Variants in CD248 observed in about 807,000 individuals in gnomAD.
The protein encoded by CD248 is endosialin.
Under a neutral mutation model 8.0 loss-of-function variants are expected in CD248, and 7 were observed. The observed-to-expected ratio is 0.88, with a 90% CI of 0.50 to 1.64. The LOEUF is 1.64. CD248 is among the 40% of genes most tolerant of loss of function. CD248 has a pLI of 0.00. For synonymous variants in CD248, 418 were observed against 437.1 expected (o/e 0.96, Z 0.54); for missense variants, 912 against 1,027.2 (o/e 0.89, Z 1.53).
Position 66,315,988 on chromosome 11 carries a change from C to T in CD248, c.1040G>A (p.Gly347Asp). Residue 347 changes from glycine to aspartate, a missense_variant, in exon 1 of 1, where the codon GGC (glycine) becomes GAC (aspartate). Around this residue, in one of 3 missense-constraint regions of CD248, gnomAD observed 507 missense variants for 562.2 expected, o/e 0.90. Coordinates refer to ENST00000311330, the MANE Select transcript of CD248 (RefSeq NM_020404.3). The surrounding 1 kb of genome is among the most constrained non-coding windows in gnomAD (Gnocchi z 4.3). ...CSEGHELEAD[G>D]ISCSPAGAMG... ...GGCCCCTGCAGGGCTGCAGCTGATG[C>T]CATCAGCCTCCAGCTCATGTCCCTC... The T allele has an allele frequency of 6.2e-7, 1 of 1,613,466 alleles. No homozygotes were observed. The highest frequency in any genetic ancestry group is 8.5e-7 in the Non-Finnish European group (1 of 1,180,018).
At position 66,315,457 on chromosome 11, in the gene CD248, A is replaced by G. The variant is rs758882997; in HGVS notation, c.1571T>C (p.Leu524Pro). ...CATGGGGGACTGGTGGGCAGGGAAG[A>G]GCTCCGGATATTTGGTTGAGATCAT... is the stretch of plus-strand genomic sequence containing the variant. ...PPMISTKYPELFPAHQSPMFP... is the reference protein window; with the variant it reads ...PPMISTKYPEPFPAHQSPMFP... Residue 524 changes from leucine (L) to proline (P), a missense_variant, in exon 1 of 1, where the codon CTC becomes CCC. This residue lies in a region of CD248 where 507 missense variants were observed against 562.2 expected (regional missense o/e 0.90). Transcript: ENST00000311330. The surrounding 1 kb of genome is among the most constrained non-coding windows in gnomAD (Gnocchi z 4.3). 1.9e-5 allele frequency: 31 copies of G among 1,613,052 alleles called. No individual in the cohort carries two copies. Among genetic ancestry groups the G allele is most frequent in the Non-Finnish European group, 2.5e-5 (30 of 1,179,756 alleles).
In CD248 at chr11:66,315,398, T is replaced by C. The variant is rs1458028738; in HGVS notation, c.1630A>G (p.Thr544Ala). The change falls in exon 1 of 1, where the codon ACC becomes GCC. Residue 544 changes from threonine (T) to alanine (A), a missense_variant. By Grantham distance (58) the Thr-to-Ala change is moderately conservative (BLOSUM62 0). This residue lies in a region of CD248 where 507 missense variants were observed against 562.2 expected (regional missense o/e 0.90). Coordinates refer to ENST00000311330, the MANE Select transcript of CD248 (RefSeq NM_020404.3). The surrounding 1 kb of genome is among the most constrained non-coding windows in gnomAD (Gnocchi z 4.3). ...PDTRVAGTQTTTHLPGIPPNH... is the reference protein window; with the variant it reads ...PDTRVAGTQTATHLPGIPPNH... Reference sequence around the variant, plus strand: ...GGTGGGATTCCAGGCAAATGAGTGGTGGTCTGGGTGCCAGCGACCCGGGTG... The same window carrying C: ...GGTGGGATTCCAGGCAAATGAGTGGCGGTCTGGGTGCCAGCGACCCGGGTG... 1.2e-6 allele frequency: 2 copies of C among 1,610,826 alleles called. No individual in the cohort carries two copies. The highest frequency in any genetic ancestry group is 1.3e-5 in the African/African-American group (1 of 74,546).
chr11:66,316,734 GCGCTGCAGCTGGCATTGCCGGGCCTGC>G lies in CD248; in HGVS notation c.267_293del (p.Gln90_Arg98del). The G allele has an allele frequency of 6.2e-7, 1 of 1,603,844 alleles. No individual in the cohort carries two copies. The highest frequency in any genetic ancestry group is 8.5e-7 in the Non-Finnish European group (1 of 1,179,420). On this transcript the variant is annotated inframe_deletion, in exon 1 of 1. Coordinates refer to ENST00000311330, the MANE Select transcript of CD248 (RefSeq NM_020404.3). Reference sequence around the variant, plus strand: ...TGGTCCACGTGAAGCCGCGCAGTGGGCGCTGCAGCTGGCATTGCCGGGCCTGCCGCTGCAGCCCGATCCACAGCAGCC... The same window carrying G: ...TGGTCCACGTGAAGCCGCGCAGTGGGCGCTGCAGCCCGATCCACAGCAGCC...
In CD248 at chr11:66,314,760, G is replaced by A. The variant is rs756073730; in HGVS notation, c.2268C>T (p.Ser756=). Residue 756 remains serine, a synonymous_variant, in exon 1 of 1, where the codon AGC becomes AGT. Transcript: ENST00000311330. This position sits in a 1 kb window ranked among gnomAD's most constrained non-coding sequence, Gnocchi z 4.0. Reference sequence around the variant, plus strand: ...GAGGGGGGTCTGCACCCCATCACACGCTGGTTCTGCAGGTCTGCACCCCTG... The same window carrying A: ...GAGGGGGGTCTGCACCCCATCACACACTGGTTCTGCAGGTCTGCACCCCTG... ...SLTGVQTCRT[S]V 1.3e-5 allele frequency: 20 copies of A among 1,549,280 alleles called. No individual in the cohort carries two copies. Among genetic ancestry groups the A allele is most frequent in the East Asian group, 2.4e-5 (1 of 40,990 alleles).
Position 66,315,821 on chromosome 11 carries a change from G to T in CD248, c.1207C>A (p.Pro403Thr). 1 of 1,613,958 alleles carries T rather than the reference G, an allele frequency of 6.2e-7. No individual in the cohort carries two copies. The highest frequency in any genetic ancestry group is 8.5e-7 in the Non-Finnish European group (1 of 1,179,976). The change falls in exon 1 of 1, where the codon CCG becomes ACG. Residue 403 changes from proline to threonine, a missense_variant. By Grantham distance (38) the Pro-to-Thr change is conservative. Around this residue, in one of 3 missense-constraint regions of CD248, gnomAD observed 507 missense variants for 562.2 expected, o/e 0.90. Coordinates refer to ENST00000311330, the MANE Select transcript of CD248 (RefSeq NM_020404.3). The surrounding 1 kb of genome is among the most constrained non-coding windows in gnomAD (Gnocchi z 4.3). ...PGILWMEPTQ[P>T]PDFALAYRPS... is the part of the protein sequence containing the mutation. ...CTATAGGCCAGGGCAAAGTCAGGCG[G>T]CTGCGTAGGCTCCATCCACAGGATC...
At position 66,314,933 on chromosome 11, in the gene CD248, A is replaced by G. The variant is rs1178517761; in HGVS notation, c.2095T>C (p.Leu699=). Residue 699 remains leucine (L), a synonymous_variant, in exon 1 of 1, where the codon TTG becomes CTG. Transcript: ENST00000311330. The surrounding 1 kb of genome is among the most constrained non-coding windows in gnomAD (Gnocchi z 4.0). ...VALLVPTCVF[L]VVLLALGIVY... ...ATGCCCAGTGCAAGCAGGACCACCA[A>G]AAAGACACACGTTGGCACCAGGAGT... 8.7e-6 allele frequency: 14 copies of G among 1,613,350 alleles called. No homozygotes were observed. The highest frequency in any genetic ancestry group is 1.1e-5 in the Non-Finnish European group (13 of 1,179,952).
chr11:66,317,017 C>G lies in CD248; in HGVS notation c.11G>C (p.Arg4Pro). 1 of 1,462,036 alleles carries G rather than the reference C, an allele frequency of 6.8e-7. No individual in the cohort carries two copies. The highest frequency in any genetic ancestry group is 8.9e-7 in the Non-Finnish European group (1 of 1,118,380). The allele number at this position is 1,462,036 out of a possible 1,614,324, so 90.6% of individuals were successfully genotyped here. MLL[R>P]LLLAWAAAGP... is the part of the protein sequence containing the mutation. Reference sequence around the variant, plus strand: ...TGCGGCCGCCCAGGCCAGCAACAGGCGCAGCAGCATCGCGATGCCCCCGGA... The same window carrying G: ...TGCGGCCGCCCAGGCCAGCAACAGGGGCAGCAGCATCGCGATGCCCCCGGA... The change falls in exon 1 of 1, where the codon CGC (arginine) becomes CCC (proline). Residue 4 changes from arginine to proline, a missense_variant. Coordinates refer to ENST00000311330, the MANE Select transcript of CD248 (RefSeq NM_020404.3).
rs1335778327 is a variant in CD248 at position 66,316,853 on chromosome 11, C to T, written c.175G>A (p.Ala59Thr). The T allele has an allele frequency of 6.4e-7, 1 of 1,550,720 alleles. No homozygotes were observed. The highest frequency in any genetic ancestry group is 1.2e-5 in the South Asian group (1 of 86,258). ...GCCTCCTCGGGGGTCCGAGGAGTGG[C>T]CAGGTCGCCCCCCAGCTCGCGGCAG... ...RACRELGGDL[A>T]TPRTPEEAQR... The change falls in exon 1 of 1, where the codon GCC (alanine) becomes ACC (threonine). Residue 59 changes from alanine to threonine, a missense_variant. Physicochemically the swap from Ala to Thr is moderately conservative, Grantham distance 58. This residue lies in a region of CD248 where 403 missense variants were observed against 446.2 expected (regional missense o/e 0.90). Transcript: ENST00000311330.
rs79993621 is a variant in CD248, at chr11:66,314,654, A to G, written c.*100T>C. The G allele has an allele frequency of 5.1e-3, 5,059 of 1,001,024 alleles. 171 individuals are homozygous for G. In the African/African-American group the frequency reaches 0.073, roughly 14 times the overall value. The allele number at this position is 1,001,024 out of a possible 1,614,324, so 62.0% of individuals were successfully genotyped here. On this transcript the variant is annotated 3_prime_UTR_variant, in exon 1 of 1. Coordinates refer to ENST00000311330, the MANE Select transcript of CD248 (RefSeq NM_020404.3). This position sits in a 1 kb window ranked among gnomAD's most constrained non-coding sequence, Gnocchi z 4.0. ...AGGACCCTGGCTGGGCCTGGGGAGC[A>G]GGAAGCCATCTGTCCAGCTGGGCAG...
Position 66,314,497 on chromosome 11 carries a change from G to A in CD248, c.*257C>T. ...AGTGGGGGTCAGAAGCCTTGGGTAA[G>A]GTTGACACCCCATTTATTGGAGAAG... On this transcript the variant is annotated 3_prime_UTR_variant, in exon 1 of 1. Coordinates refer to ENST00000311330, the MANE Select transcript of CD248 (RefSeq NM_020404.3). The surrounding 1 kb of genome is among the most constrained non-coding windows in gnomAD (Gnocchi z 4.0). The A allele has an allele frequency of 2.1e-6, 1 of 470,796 alleles. No individual in the cohort carries two copies. Among genetic ancestry groups the A allele is most frequent in the Non-Finnish European group, 3.8e-6 (1 of 261,050 alleles). 29.2% of individuals were successfully genotyped at this position (470,796 alleles called of 1,614,324 possible).
Position 66,314,916 on chromosome 11 carries a change from T to C in CD248, c.2112A>G (p.Ala704=). 1 of 1,613,200 alleles carries C rather than the reference T, an allele frequency of 6.2e-7. No homozygotes were observed. The highest frequency in any genetic ancestry group is 2.2e-5 in the East Asian group (1 of 44,858). ...AGCGGGTGCAGTACACGATGCCCAG[T>C]GCAAGCAGGACCACCAAAAAGACAC... is the stretch of plus-strand genomic sequence containing the variant. ...PTCVFLVVLL[A]LGIVYCTRCG... is the part of the protein sequence containing the mutation. The change falls in exon 1 of 1, where the codon GCA becomes GCG. Residue 704 remains alanine, a synonymous_variant. Transcript: ENST00000311330. The surrounding 1 kb of genome is among the most constrained non-coding windows in gnomAD (Gnocchi z 4.0).
In CD248 at chr11:66,315,481, A is replaced by G. The variant is rs1184335411; in HGVS notation, c.1547T>C (p.Met516Thr). 4.3e-6 allele frequency: 7 copies of G among 1,613,716 alleles called. No homozygotes were observed. The Admixed American group carries it at 1.2e-4, about 27-fold the overall frequency. ...SAQPPAHQPP[M>T]ISTKYPELFP... is the part of the protein sequence containing the mutation. ...GAGCTCCGGATATTTGGTTGAGATC[A>G]TAGGGGGCTGGTGGGCAGGAGGCTG... Residue 516 changes from methionine to threonine, a missense_variant, in exon 1 of 1, where the codon ATG becomes ACG. Around this residue, in one of 3 missense-constraint regions of CD248, gnomAD observed 507 missense variants for 562.2 expected, o/e 0.90. Coordinates refer to ENST00000311330, the MANE Select transcript of CD248 (RefSeq NM_020404.3). The surrounding 1 kb of genome is among the most constrained non-coding windows in gnomAD (Gnocchi z 4.3).
In CD248 at chr11:66,315,187, G is replaced by A. The variant is rs1050364384; in HGVS notation, c.1841C>T (p.Pro614Leu). Residue 614 changes from proline to leucine, a missense_variant, in exon 1 of 1, where the codon CCC (proline) becomes CTC (leucine). Transcript: ENST00000311330. This position sits in a 1 kb window ranked among gnomAD's most constrained non-coding sequence, Gnocchi z 4.3. ...GGGCAGGAGGGTGGGGAGGGCTGCG[G>A]GCTGGGTGGCAGCAGGCACAGAGAT... is the stretch of plus-strand genomic sequence containing the variant. ...HQISVPAATQPAALPTLLPSQ... is the reference protein window; with the variant it reads ...HQISVPAATQLAALPTLLPSQ... The A allele has an allele frequency of 3.9e-6, 6 of 1,528,066 alleles. No individual in the cohort carries two copies. In the African/African-American group the frequency reaches 6.9e-5, roughly 18 times the overall value. The allele number at this position is 1,528,066 out of a possible 1,614,324, so 94.7% of individuals were successfully genotyped here.
Position 66,315,958 on chromosome 11 carries a change from C to T in CD248, c.1070G>A (p.Gly357Asp), listed in dbSNP as rs752369396. 33 of 1,613,350 alleles carry T rather than the reference C, an allele frequency of 2.0e-5. No homozygotes were observed. In the East Asian group the frequency reaches 3.1e-4, roughly 15 times the overall value. Reference sequence around the variant, plus strand: ...TCCGAGGTCCTGGGAAGCCTGGGCACCCATGGCCCCTGCAGGGCTGCAGCT... The same window carrying T: ...TCCGAGGTCCTGGGAAGCCTGGGCATCCATGGCCCCTGCAGGGCTGCAGCT... ...GISCSPAGAMGAQASQDLGDE... is the reference protein window; with the variant it reads ...GISCSPAGAMDAQASQDLGDE... Residue 357 changes from glycine to aspartate, a missense_variant, in exon 1 of 1, where the codon GGT becomes GAT. Transcript: ENST00000311330. The surrounding 1 kb of genome is among the most constrained non-coding windows in gnomAD (Gnocchi z 4.3).
chr11:66,315,331 G>A lies in CD248; in HGVS notation c.1697C>T (p.Pro566Leu). 1 of 1,574,596 alleles carries A rather than the reference G, an allele frequency of 6.4e-7. No homozygotes were observed. Among genetic ancestry groups the A allele is most frequent in the South Asian group, 1.2e-5 (1 of 83,634 alleles). The change falls in exon 1 of 1, where the codon CCC becomes CTC. Residue 566 changes from proline (P) to leucine (L), a missense_variant. Physicochemically the swap from Pro to Leu is moderately conservative, Grantham distance 98. Around this residue, in one of 3 missense-constraint regions of CD248, gnomAD observed 507 missense variants for 562.2 expected, o/e 0.90. Transcript: ENST00000311330. This position sits in a 1 kb window ranked among gnomAD's most constrained non-coding sequence, Gnocchi z 4.3. ...PLVTTLGAQL[P>L]PQAPDALVLR... Reference sequence around the variant, plus strand: ...GACAAGGGCATCTGGGGCTTGAGGGGGTAGCTGGGCACCGAGGGTGGTGAC... The same window carrying A: ...GACAAGGGCATCTGGGGCTTGAGGGAGTAGCTGGGCACCGAGGGTGGTGAC...
chr11:66,316,513 C>T lies in CD248; in HGVS notation c.515G>A (p.Gly172Asp). 1.3e-6 allele frequency: 2 copies of T among 1,597,320 alleles called. No individual in the cohort carries two copies. The highest frequency in any genetic ancestry group is 1.7e-6 in the Non-Finnish European group (2 of 1,178,890). ...GACPALQDEAGQAGPAVYTTP... is the reference protein window; with the variant it reads ...GACPALQDEADQAGPAVYTTP... ...GGTATACACGGCTGGGCCGGCCTGG[C>T]CCGCCTCATCTTGCAGCGCCGGGCA... The change falls in exon 1 of 1, where the codon GGC becomes GAC. Residue 172 changes from glycine to aspartate, a missense_variant. Gly to Asp is a moderately conservative substitution (Grantham distance 94, BLOSUM62 -1). This residue lies in a region of CD248 where 403 missense variants were observed against 446.2 expected (regional missense o/e 0.90). Coordinates refer to ENST00000311330, the MANE Select transcript of CD248 (RefSeq NM_020404.3).
In CD248 at chr11:66,315,953, G is replaced by C; in HGVS notation, c.1075C>G (p.Gln359Glu). 1 of 1,613,252 alleles carries C rather than the reference G, an allele frequency of 6.2e-7. No homozygotes were observed. The highest frequency in any genetic ancestry group is 1.7e-5 in the Admixed American group (1 of 60,026). The change falls in exon 1 of 1, where the codon CAG becomes GAG. Residue 359 changes from glutamine to glutamate, a missense_variant. Transcript: ENST00000311330. This position sits in a 1 kb window ranked among gnomAD's most constrained non-coding sequence, Gnocchi z 4.3. ...TCATCTCCGAGGTCCTGGGAAGCCTGGGCACCCATGGCCCCTGCAGGGCTG... is the reference window on the plus strand; with the variant it reads ...TCATCTCCGAGGTCCTGGGAAGCCTCGGCACCCATGGCCCCTGCAGGGCTG... ...SCSPAGAMGA[Q>E]ASQDLGDELL...
In CD248 at chr11:66,316,226, C is replaced by G. The variant is rs765951466; in HGVS notation, c.802G>C (p.Gly268Arg). The change falls in exon 1 of 1, where the codon GGG (glycine) becomes CGG (arginine). Residue 268 changes from glycine (G) to arginine (R), a missense_variant. By Grantham distance (125) the Gly-to-Arg change is moderately radical. Transcript: ENST00000311330. ...CTEGFRLAAD[G>R]RSCEDPCAQA... The stretch of plus-strand genomic sequence containing the variant: ...GCACAGGGGTCCTCGCAACTGCGCC[C>G]GTCTGCTGCCAGCCGGAAGCCCTCA... 1 of 1,613,352 alleles carries G rather than the reference C, an allele frequency of 6.2e-7. No individual in the cohort carries two copies. Among genetic ancestry groups the G allele is most frequent in the Admixed American group, 1.7e-5 (1 of 60,020 alleles).
chr11:66,315,265 G>A lies in CD248; in HGVS notation c.1763C>T (p.Ala588Val), dbSNP rs1359194490. 4 of 1,539,452 alleles carry A rather than the reference G, an allele frequency of 2.6e-6. No homozygotes were observed. Among genetic ancestry groups the A allele is most frequent in the Middle Eastern group, 3.5e-4 (2 of 5,672 alleles). The change falls in exon 1 of 1, where the codon GCC becomes GTC. Residue 588 changes from alanine (A) to valine (V), a missense_variant. Transcript: ENST00000311330. The surrounding 1 kb of genome is among the most constrained non-coding windows in gnomAD (Gnocchi z 4.3). ...GGAGGTGGTGGTCAGAGAGGGCTGG[G>A]CAGTTGGGATAATGGGAAGCTGGGT... ...QATQLPIIPT[A>V]QPSLTTTSRS... is the part of the protein sequence containing the mutation.
Sources: gnomAD v4.1 joint callset for allele counts on GRCh38, gnomAD v4.1.1 for gene constraint, gnomAD v4.1.1 regional missense constraint, Gnocchi (gnomAD v3.1) non-coding constraint, MANE v1.5 for transcripts, NCBI Gene and HGNC (gene_info 2026-07-23, HGNC 2026-07-21) for gene names.